Variants in GLRA3 observed in about 807,000 individuals in gnomAD.
GLRA3 encodes glycine receptor alpha 3.
GLRA3 carries 44 observed loss-of-function variants against 60.4 expected under a neutral mutation model. The ratio of observed to expected loss-of-function variants is 0.73; its 90% CI spans 0.57 to 0.94. The LOEUF is 0.94. GLRA3 is among the 40% of genes least tolerant of loss of function. The pLI is 0.00. For missense variants in GLRA3, 508 were observed against 564.6 expected (o/e 0.90, Z 1.02); for synonymous variants, 223 against 192.9 (o/e 1.16, Z -1.29).
At chr4:174,752,970 C>G (rs887479656) in intron 3 of GLRA3, among the ~76,000 whole-genome samples, 2 of 152,064 alleles carry the variant, frequency 1.3e-5, no homozygotes, top group Non-Finnish European at 2.9e-5. Context: ...TTCATGTTCT[C>G]CATAGAACAA....
intron 5 of GLRA3, among the ~76,000 whole-genome samples, chr4:174,702,884 C>T (rs1018140928): frequency 2.0e-5 from 3 of 152,142 alleles, no homozygotes; most frequent in Non-Finnish European, 2.9e-5. Flanking sequence ...AAAGGACATA[C>T]TATAGTGAAC....
intron 5 of GLRA3, among the ~76,000 whole-genome samples, chr4:174,706,032 A>C (rs561448031): frequency 4.0e-4 from 61 of 152,232 alleles, no homozygotes; most frequent in Admixed American, 4.6e-4. Context: ...AATCCAGACC[A>C]TCCTGTGTAA....
intron 5 of GLRA3, among the ~76,000 whole-genome samples, chr4:174,695,062 C>T (rs1734997588): frequency 6.6e-6 from 1 of 151,960 alleles, no homozygotes; most frequent in Admixed American, 6.6e-5. Flanking sequence ...ATAACAACCT[C>T]CAAAATTGAA....
chr4:174,743,901 G>A (rs1737124148), intron 3 of GLRA3, among the ~76,000 whole-genome samples: 1 of 151,640 alleles, frequency 6.6e-6, no homozygotes, highest in Non-Finnish European at 1.5e-5. Flanking sequence ...GTACAGAACA[G>A]GACCCCCTCT....
intron 1 of GLRA3, among the ~76,000 whole-genome samples, chr4:174,815,312 T>C (rs1293718757): frequency 1.3e-5 from 2 of 152,202 alleles, no homozygotes; most frequent in Admixed American, 6.5e-5. Context: ...GGGCTGGCAT[T>C]GAGTGTCTCT....
chr4:174,689,459 T>A (rs1734696316), intron 5 of GLRA3, among the ~76,000 whole-genome samples: 1 of 152,152 alleles, frequency 6.6e-6, no homozygotes, highest in Admixed American at 6.5e-5. Context: ...AGTACAAGTA[T>A]AATTTTGTTA....
chr4:174,650,201 A>G (rs1158412307), intron 9 of GLRA3, among the ~76,000 whole-genome samples: 1 of 152,158 alleles, frequency 6.6e-6, no homozygotes, highest in Non-Finnish European at 1.5e-5. Context: ...GCTTTCTATT[A>G]TTAAAAAAAA....
chr4:174,686,309 G>T (rs1734551268), intron 5 of GLRA3, among the ~76,000 whole-genome samples: 1 of 152,070 alleles, frequency 6.6e-6, no homozygotes, highest in Admixed American at 6.5e-5. Flanking sequence ...TATGCTTTTG[G>T]TTGGCAGATC....
intron 1 of GLRA3, among the ~76,000 whole-genome samples, chr4:174,806,502 G>C (rs975741654): frequency 6.6e-6 from 1 of 152,090 alleles, no homozygotes; most frequent in Non-Finnish European, 1.5e-5. Flanking sequence ...CAAAAAACCA[G>C]ACATTGAAAA....
rs1264570886 is a variant in GLRA3, at chr4:174,677,130, G to C, written c.875C>G (p.Thr292Ser). The C allele has an allele frequency of 6.2e-7, 1 of 1,613,624 alleles. No individual in the cohort carries two copies. The highest frequency in any genetic ancestry group is 8.5e-7 in the Non-Finnish European group (1 of 1,179,638). The change falls in exon 7 of 10, where the codon ACT becomes AGT. Residue 292 changes from threonine to serine, a missense_variant. Thr to Ser is a moderately conservative substitution (Grantham distance 58). This residue lies in a region of GLRA3 where 3 missense variants were observed against 17.4 expected (regional missense o/e 0.17). Transcript: ENST00000274093. ...ACTCTGTGTAGTCATCGTTAGCACA[G>C]TGGTTATCCCCAGAGCTACCCTGGC... ...APARVALGITTVLTMTTQSSG... is the reference protein window; with the variant it reads ...APARVALGITSVLTMTTQSSG...
chr4:174,685,567 C>A lies in GLRA3; in HGVS notation c.575-2628G>T, dbSNP rs79125554. Among the ~76,000 whole-genome samples, 941 of 152,228 alleles carry A rather than the reference C, an allele frequency of 6.2e-3. 6 individuals carry two copies. The highest frequency in any genetic ancestry group is 0.011 in the Non-Finnish European group (746 of 68,004). On this transcript the variant is annotated intron_variant, in intron 5 of 9. Transcript: ENST00000274093. ...CAGATGTGGGAACCTGAAGGACTGT[C>A]CCCTAGGCTGATGGATTTAACACAG...
chr4:174,747,190 A>G (rs112400253), intron 3 of GLRA3, among the ~76,000 whole-genome samples: 1,574 of 152,302 alleles, frequency 0.01, 11 homozygotes, highest in South Asian at 0.035. Context: ...ATGTGACCTA[A>G]GAGGTGAATA....
intron 5 of GLRA3, among the ~76,000 whole-genome samples, chr4:174,710,848 C>T (rs759686511): frequency 6.6e-6 from 1 of 151,590 alleles, no homozygotes; most frequent in Non-Finnish European, 1.5e-5. Context: ...TTTCAAAGCA[C>T]CAGGTTTAGG....
At chr4:174,665,237 CTTTTTTTTTT>C (rs34499494) in intron 7 of GLRA3, among the ~76,000 whole-genome samples, 1 of 127,488 alleles carries the variant, frequency 7.8e-6, no homozygotes, top group Non-Finnish European at 1.6e-5. Flanking sequence ...TTTGTATTTA[CTTTTTTTTTT>C]TTTTTTTTTG....
chr4:174,683,120 C>T (rs1216293420), intron 5 of GLRA3, among the ~76,000 whole-genome samples, 181 bp from the exon 6 acceptor site: 1 of 152,128 alleles, frequency 6.6e-6, no homozygotes, highest in Non-Finnish European at 1.5e-5. Context: ...AGTCTATTCA[C>T]GTGGAACTCC....
chr4:174,755,077 G>A (rs748684516), intron 3 of GLRA3, among the ~76,000 whole-genome samples: 13 of 152,062 alleles, frequency 8.5e-5, no homozygotes, highest in Non-Finnish European at 5.9e-5. Context: ...CTGTAGCATT[G>A]ATTTATGACA....
At chr4:174,713,093 A>G (rs1579491143) in intron 5 of GLRA3, among the ~76,000 whole-genome samples, 1 of 152,142 alleles carries the variant, frequency 6.6e-6, no homozygotes, top group African/African-American at 2.4e-5. Flanking sequence ...TGACATTAGC[A>G]TCTGCCACAG....
intron 3 of GLRA3, among the ~76,000 whole-genome samples, chr4:174,757,969 TAAGTTCCCGCAAG>T (rs1243002334): frequency 6.6e-6 from 1 of 151,774 alleles, no homozygotes; most frequent in African/African-American, 2.4e-5. Flanking sequence ...TGTCACTATA[TAAGTTCCCGCAAG>T]AACTGCTTGT....
chr4:174,779,606 A>C (rs1358486936), intron 2 of GLRA3, among the ~76,000 whole-genome samples: 4 of 152,194 alleles, frequency 2.6e-5, no homozygotes, highest in Non-Finnish European at 4.4e-5. Flanking sequence ...ACCAATACAG[A>C]GAAGTGCTTA....
Sources: gnomAD v4.1 joint callset for allele counts (sites outside exome capture counted in the v4.1 genomes callset) on GRCh38, gnomAD v4.1.1 for gene constraint, gnomAD v4.1.1 regional missense constraint, MANE v1.5 for transcripts, NCBI Gene and HGNC (gene_info 2026-07-23, HGNC 2026-07-21) for gene names.